The following SLIT3 variants were observed in gnomAD, a reference collection of about 807,000 sequenced individuals.
SLIT3 encodes slit guidance ligand 3, also known as slit homolog 3 protein.
In SLIT3, 68 loss-of-function variants were observed where a neutral mutation model predicts 184.0. The ratio of observed to expected loss-of-function variants is 0.37; its 90% CI spans 0.30 to 0.45. The LOEUF (loss-of-function observed/expected upper bound fraction) is 0.45, where lower values mean the gene tolerates loss of function less well. Among genes scored for constraint, SLIT3 ranks in the 20% least tolerant of loss-of-function variants. The probability of loss-of-function intolerance (pLI) is 1.00; values close to 1 mark genes in which losing one functional copy is unlikely to be tolerated. For missense variants in SLIT3, 1,707 were observed against 2,026.0 expected (o/e 0.84, Z 3.02); for synonymous variants, 831 against 828.6 (o/e 1.00, Z -0.05).
intron 9 of SLIT3, among the ~76,000 whole-genome samples, chr5:168,804,330 A>AAAAAAAC (rs1561941999): frequency 1.1e-4 from 14 of 129,252 alleles, no homozygotes; most frequent in South Asian, 2.5e-4. Context: ...AAAAAAAAAA[A>AAAAAAAC]AAAAAAAAAG....
chr5:168,754,518 T>C (rs543059343), intron 16 of SLIT3, among the ~76,000 whole-genome samples: 8 of 152,168 alleles, frequency 5.3e-5, no homozygotes, highest in African/African-American at 1.7e-4. Flanking sequence ...GGTTGGTTAA[T>C]GGGGGAGCTA....
At chr5:169,247,545 A>T (rs571346099) in intron 2 of SLIT3, among the ~76,000 whole-genome samples, 21 of 152,270 alleles carry the variant, frequency 1.4e-4, no homozygotes, top group African/African-American at 5.1e-4. Context: ...AATGAATCTA[A>T]CACTTCAAGC....
chr5:169,038,956 CCCT>C (rs1160623267), intron 4 of SLIT3, among the ~76,000 whole-genome samples: 2 of 152,132 alleles, frequency 1.3e-5, no homozygotes, highest in Admixed American at 1.3e-4. Context: ...AAAGTTTACT[CCCT>C]CCTAAGAAAA....
intron 32 of SLIT3, among the ~76,000 whole-genome samples, chr5:168,682,419 C>T (rs1582523904): frequency 6.6e-6 from 1 of 152,222 alleles, no homozygotes; most frequent in Non-Finnish European, 1.5e-5. Flanking sequence ...CTGGAAGGAT[C>T]TCTGAAGCAC....
intron 4 of SLIT3, among the ~76,000 whole-genome samples, chr5:169,190,896 C>A (rs949363226): frequency 2.0e-5 from 3 of 152,100 alleles, no homozygotes; most frequent in Non-Finnish European, 4.4e-5. Context: ...GACAATGACA[C>A]AAGAGGGCCA....
At chr5:168,908,335 C>T (rs2113067293) in intron 4 of SLIT3, among the ~76,000 whole-genome samples, 1 of 152,162 alleles carries the variant, frequency 6.6e-6, no homozygotes, top group East Asian at 1.9e-4. Flanking sequence ...CATACCCTTG[C>T]CCTCTCCTAA....
chr5:168,870,018 G>A (rs551208569), intron 5 of SLIT3, among the ~76,000 whole-genome samples: 3 of 152,344 alleles, frequency 2.0e-5, no homozygotes, highest in East Asian at 3.9e-4. Context: ...GTGCCGGCAC[G>A]GCAGGCGCTA....
chr5:169,015,205 T>A (rs190311459), intron 4 of SLIT3, among the ~76,000 whole-genome samples: 33 of 152,224 alleles, frequency 2.2e-4, no homozygotes, highest in Non-Finnish European at 4.4e-4. Flanking sequence ...CTCTGGGACA[T>A]CCCCTTGTCA....
intron 4 of SLIT3, among the ~76,000 whole-genome samples, chr5:169,033,938 G>A (rs144175451): frequency 0.013 from 1,997 of 149,786 alleles, 99 homozygotes; most frequent in East Asian, 0.099. Flanking sequence ...TCAGCCTCCC[G>A]AGTAGCTGGG....
At chr5:168,837,359 A>G (rs1163237204) in intron 6 of SLIT3, among the ~76,000 whole-genome samples, 1 of 152,212 alleles carries the variant, frequency 6.6e-6, no homozygotes, top group African/African-American at 2.4e-5. Flanking sequence ...AACATTTTAT[A>G]AATAAATAAA....
intron 3 of SLIT3, among the ~76,000 whole-genome samples, chr5:169,221,429 C>G (rs747843112): frequency 1.1e-4 from 17 of 152,130 alleles, no homozygotes; most frequent in Non-Finnish European, 1.9e-4. Flanking sequence ...TTGAGGGCTA[C>G]CAGAATTAGA....
intron 4 of SLIT3, 29 bp downstream of exon 4, chr5:169,193,450 G>A: frequency 6.3e-7 from 1 of 1,593,798 alleles, no homozygotes; most frequent in Middle Eastern, 1.7e-4. Context: ...CAAGGCACAA[G>A]GTAGAGAACA....
At chr5:168,884,698 ATGG>A in intron 4 of SLIT3, among the ~76,000 whole-genome samples, 2 of 151,144 alleles carry the variant, frequency 1.3e-5, no homozygotes, top group African/African-American at 2.4e-5. Flanking sequence ...AACATTTTTA[ATGG>A]TTGTATATCG....
intron 20 of SLIT3, among the ~76,000 whole-genome samples, chr5:168,740,714 C>G (rs1304552610): frequency 2.0e-5 from 3 of 152,214 alleles, no homozygotes; most frequent in Admixed American, 1.3e-4. Flanking sequence ...ACTTTGGAAG[C>G]CATGCCTGGC....
At chr5:169,183,506 A>G (rs1192825581) in intron 4 of SLIT3, among the ~76,000 whole-genome samples, 1 of 152,118 alleles carries the variant, frequency 6.6e-6, no homozygotes, top group East Asian at 1.9e-4. Context: ...CATTATCTCT[A>G]ATGGTCCAGT....
chr5:169,290,202 TA>T (rs1431808149), intron 1 of SLIT3, among the ~76,000 whole-genome samples: 16 of 149,734 alleles, frequency 1.1e-4, no homozygotes, highest in Admixed American at 1.3e-4. Context: ...CACTAGGACA[TA>T]TGCTAGGGCA....
intron 4 of SLIT3, among the ~76,000 whole-genome samples, chr5:168,907,304 C>T (rs1280004474): frequency 2.0e-5 from 3 of 152,186 alleles, no homozygotes; most frequent in Non-Finnish European, 4.4e-5. Flanking sequence ...AGCCATAAGG[C>T]CTCACACTGA....
At chr5:168,908,068 C>G (rs1982061) in intron 4 of SLIT3, among the ~76,000 whole-genome samples, 9,280 of 149,508 alleles carry the variant, frequency 0.062, 382 homozygotes, top group Middle Eastern at 0.11. Flanking sequence ...TGGCTGTACA[C>G]AGGAGAGGCA....
intron 19 of SLIT3, among the ~76,000 whole-genome samples, chr5:168,749,107 A>T (rs537308024): frequency 6.6e-6 from 1 of 152,336 alleles, no homozygotes; most frequent in East Asian, 1.9e-4. Context: ...CAAGGGTGCC[A>T]TATCATTTAA....
Sources: gnomAD v4.1 joint callset for allele counts (sites outside exome capture counted in the v4.1 genomes callset) on GRCh38, gnomAD v4.1.1 for gene constraint, MANE v1.5 for transcripts, NCBI Gene and HGNC (gene_info 2026-07-23, HGNC 2026-07-21) for gene names.